The following ZNF410 variants were observed in gnomAD, a reference collection of about 807,000 sequenced individuals.
ZNF410 encodes zinc finger protein 410, also known as another partner for ARF 1.
Under a neutral mutation model 54.8 loss-of-function variants are expected in ZNF410, and 18 were observed. The ratio of observed to expected loss-of-function variants is 0.33; its 90% CI spans 0.23 to 0.49. ZNF410 has a LOEUF of 0.49. Ranked by LOEUF, ZNF410 falls within the 20% of genes least tolerant of loss-of-function variation. The probability of loss-of-function intolerance (pLI) is 0.99; values close to 1 mark genes in which losing one functional copy is unlikely to be tolerated. For synonymous variants in ZNF410, 191 were observed against 207.3 expected, an observed-to-expected ratio of 0.92 and a Z score of 0.68; for missense variants, 405 against 569.6, an observed-to-expected ratio of 0.71 and a Z score of 2.94.
intron 8 of ZNF410, among the ~76,000 whole-genome samples, chr14:73,918,706 T>C (rs1177733943): frequency 1.7e-3 from 226 of 135,952 alleles, no homozygotes; most frequent in African/African-American, 5.9e-3. Flanking sequence ...TTTTTTTTTT[T>C]TTTTTTTTCC....
intron 2 of ZNF410, among the ~76,000 whole-genome samples, chr14:73,892,905 C>T (rs1190514925): frequency 6.6e-6 from 1 of 152,092 alleles, no homozygotes. Flanking sequence ...ATGGTGAAAC[C>T]CTGTCTCTAC....
At chr14:73,919,195 C>T (rs2055718628) in intron 8 of ZNF410, among the ~76,000 whole-genome samples, 2 of 151,376 alleles carry the variant, frequency 1.3e-5, no homozygotes, top group South Asian at 2.1e-4. Context: ...TGCGGTTTCA[C>T]TATGTTGGCC....
rs1181868289 is a variant in ZNF410, at chr14:73,923,435, G to A, written c.1311G>A (p.Val437=). 1.9e-6 allele frequency: 3 copies of A among 1,614,024 alleles called. No homozygotes were observed. The highest frequency in any genetic ancestry group is 2.5e-6 in the Non-Finnish European group (3 of 1,179,978). The change falls in exon 11 of 12, where the codon GTG becomes GTA. Residue 437 remains valine (V), a synonymous_variant. Transcript: ENST00000555044. ...GATCCCCACGTTCCCTGTCTTCAGT[G>A]CCTGATGTGACACATCACCTGGTGA... ...AEGSPRSLSS[V]PDVTHHLVTM... is the part of the protein sequence containing the mutation.
intron 8 of ZNF410, among the ~76,000 whole-genome samples, chr14:73,918,683 G>C (rs1285520608): frequency 7.3e-6 from 1 of 136,906 alleles, no homozygotes; most frequent in Non-Finnish European, 1.5e-5. Flanking sequence ...CATTTCATAT[G>C]GCCTTTTTTT....
chr14:73,920,883 G>A, intron 8 of ZNF410, 97 bp from the exon 9 acceptor site: 1 of 1,502,756 alleles, frequency 6.7e-7, no homozygotes, highest in East Asian at 2.3e-5. Context: ...AGCTGCTTAT[G>A]TTCAGTTTAA....
chr14:73,910,187 A>C (rs1375370016), intron 8 of ZNF410, among the ~76,000 whole-genome samples: 2 of 152,210 alleles, frequency 1.3e-5, no homozygotes, highest in Admixed American at 6.5e-5. Context: ...GAGTTTGTGG[A>C]GCCTACTGGA....
rs2055763725 is a variant in ZNF410 at position 73,922,053 on chromosome 14, A to G, written c.1130-13A>G. ...GATTGCTGTATGTCTCTCACAACCT[A>G]TTCTCTGTGCAGCTGAGCCACTAAT... On this transcript the variant is annotated splice_polypyrimidine_tract_variant and intron_variant, in intron 9 of 11. Coordinates refer to ENST00000555044, the MANE Select transcript of ZNF410 (RefSeq NM_021188.3). 1 of 1,613,504 alleles carries G rather than the reference A, an allele frequency of 6.2e-7. No individual in the cohort carries two copies. The highest frequency in any genetic ancestry group is 8.5e-7 in the Non-Finnish European group (1 of 1,179,670).
intron 2 of ZNF410, among the ~76,000 whole-genome samples, chr14:73,892,465 A>G (rs1175580946): frequency 1.3e-5 from 2 of 151,716 alleles, no homozygotes; most frequent in African/African-American, 2.4e-5. Context: ...TATAAATAAA[A>G]ATATATGTTT....
At position 73,909,839 on chromosome 14, in the gene ZNF410, C is replaced by T. The variant is rs921485560; in HGVS notation, c.1003+409C>T. On this transcript the variant is annotated intron_variant, in intron 8 of 11. Transcript: ENST00000555044. ...ACCAGTAATATTACTGCCTTCTGAGCAGGTGTTAGTGATCCTGCTTGAGTC... is the reference window on the plus strand; with the variant it reads ...ACCAGTAATATTACTGCCTTCTGAGTAGGTGTTAGTGATCCTGCTTGAGTC... Among the ~76,000 whole-genome samples the T allele has an allele frequency of 2.0e-5, 3 of 152,180 alleles. No individual in the cohort carries two copies. The East Asian group carries it at 5.8e-4, about 29-fold the overall frequency.
intron 11 of ZNF410, among the ~76,000 whole-genome samples, chr14:73,925,255 T>C (rs1429162316): frequency 6.6e-6 from 1 of 152,218 alleles, no homozygotes; most frequent in Non-Finnish European, 1.5e-5. Context: ...ATCATACATA[T>C]CTCACTTACG....
Position 73,903,978 on chromosome 14 carries a change from G to A in ZNF410, c.599G>A (p.Gly200Asp), listed in dbSNP as rs778395550. 6.2e-7 allele frequency: 1 copy of A among 1,614,188 alleles called. No individual in the cohort carries two copies. The highest frequency in any genetic ancestry group is 8.5e-7 in the Non-Finnish European group (1 of 1,180,038). The change falls in exon 6 of 12, where the codon GGT (glycine) becomes GAT (aspartate). Residue 200 changes from glycine (G) to aspartate (D), a missense_variant. This residue lies in a region of ZNF410 where 247 missense variants were observed against 342.8 expected (regional missense o/e 0.72). Transcript: ENST00000555044. ...TSSNGENVHL[G>D]SGDGQSKDSG... ...GTTACAGGAGAAAATGTCCACCTTG[G>A]TTCTGGTGATGGGCAGTCAAAAGAT...
At chr14:73,895,515 A>G (rs1222611525) in intron 3 of ZNF410, 1 of 151,646 alleles carries the variant, frequency 6.6e-6, no homozygotes, top group East Asian at 1.9e-4. Context: ...AATCAGCTTT[A>G]GTGTTCATCA....
intron 7 of ZNF410, among the ~76,000 whole-genome samples, chr14:73,905,968 C>CACATACAT (rs1461702433): frequency 1.4e-4 from 11 of 78,942 alleles, no homozygotes; most frequent in African/African-American, 4.6e-4. Context: ...CACACACACA[C>CACATACAT]ATATATATAT....
At chr14:73,888,350 TGACTA>T (rs566371484) in intron 1 of ZNF410, 63 of 152,228 alleles carry the variant, frequency 4.1e-4, no homozygotes, top group African/African-American at 1.5e-3. Flanking sequence ...TCAGAAGAGA[TGACTA>T]GAGAAAAATG....
At chr14:73,911,499 G>C (rs7157730) in intron 8 of ZNF410, among the ~76,000 whole-genome samples, 3 of 152,120 alleles carry the variant, frequency 2.0e-5, no homozygotes, top group Non-Finnish European at 4.4e-5. Flanking sequence ...ATGATGACAA[G>C]TTCTAAGCAG....
intron 8 of ZNF410, among the ~76,000 whole-genome samples, chr14:73,919,561 A>G (rs1046307390): frequency 6.6e-6 from 1 of 152,060 alleles, no homozygotes; most frequent in Non-Finnish European, 1.5e-5. Context: ...TTTCTGTGTT[A>G]ATTTGCTTAA....
Position 73,898,631 on chromosome 14 carries a change from T to A in ZNF410, c.580+369T>A, listed in dbSNP as rs1209537264. 4 of 202,332 alleles carry A rather than the reference T, an allele frequency of 2.0e-5. No homozygotes were observed. The African/African-American group carries it at 2.0e-4, about 10-fold the overall frequency. 12.5% of individuals were successfully genotyped at this position (202,332 alleles called of 1,614,324 possible). Reference sequence around the variant, plus strand: ...TATACCATCATGAAATCAAAACAGTTTTTATCAGTTAATAGGAATAAAACT... The same window carrying A: ...TATACCATCATGAAATCAAAACAGTATTTATCAGTTAATAGGAATAAAACT... On this transcript the variant is annotated intron_variant, in intron 5 of 11. Coordinates refer to ENST00000555044, the MANE Select transcript of ZNF410 (RefSeq NM_021188.3).
chr14:73,922,011 G>A (rs2055762680), intron 9 of ZNF410, 55 bp from the exon 10 acceptor site: 25 of 1,582,722 alleles, frequency 1.6e-5, no homozygotes, highest in Admixed American at 1.0e-4. Context: ...AAGAAAATGA[G>A]GACCAGGCAC....
chr14:73,921,257 C>A, intron 9 of ZNF410, 152 bp downstream of exon 9: 1 of 918,490 alleles, frequency 1.1e-6, no homozygotes, highest in Non-Finnish European at 1.6e-6. Context: ...CCAAACATAG[C>A]TATACAGTAG....
Sources: gnomAD v4.1 joint callset for allele counts (sites outside exome capture counted in the v4.1 genomes callset) on GRCh38, gnomAD v4.1.1 for gene constraint, gnomAD v4.1.1 regional missense constraint, MANE v1.5 for transcripts, NCBI Gene and HGNC (gene_info 2026-07-23, HGNC 2026-07-21) for gene names.